Variants in TMEM266 observed in about 807,000 individuals in gnomAD.
TMEM266 encodes the protein Hv1 related protein 1.
Under a neutral mutation model 50.5 loss-of-function variants are expected in TMEM266, and 33 were observed. The observed-to-expected ratio is 0.65, with a 90% CI of 0.50 to 0.87. TMEM266 has a LOEUF of 0.87. Ranked by LOEUF, TMEM266 falls within the 40% of genes least tolerant of loss-of-function variation. The pLI, the probability that TMEM266 is intolerant of heterozygous loss-of-function variation, is 0.00. For missense variants in TMEM266, 655 were observed against 695.1 expected (o/e 0.94, Z 0.65); for synonymous variants, 310 against 292.3 (o/e 1.06, Z -0.62).
Position 76,126,617 on chromosome 15 carries a change from C to T in TMEM266, c.-96-7551C>T, listed in dbSNP as rs113467719. 5.4e-3 allele frequency among the ~76,000 whole-genome samples: 824 copies of T among 151,684 alleles called. 7 individuals carry two copies. The highest frequency in any genetic ancestry group is 0.018 in the African/African-American group (761 of 41,368). On this transcript the variant is annotated intron_variant, in intron 1 of 10. Transcript: ENST00000388942. ...CATGATCTCGGCTCACTGCATCCTC[C>T]GCCTCCCGAGTTCAAGCAATTCTCC... is the stretch of plus-strand genomic sequence containing the variant.
chr15:76,192,036 G>A lies in TMEM266; in HGVS notation c.837G>A (p.Ala279=), dbSNP rs1254929804. The A allele has an allele frequency of 2.6e-6, 4 of 1,560,886 alleles. No homozygotes were observed. In the African/African-American group the frequency reaches 4.3e-5, roughly 17 times the overall value. The stretch of plus-strand genomic sequence containing the variant: ...TGGACCTGGCTGCCGAGCGCGAAGC[G>A]GCGCTCCAGGCCCCGCACGTGCTCA... Residue 279 remains alanine, a synonymous_variant, in exon 9 of 11, where the codon GCG becomes GCA. Transcript: ENST00000388942.
chr15:76,191,925 G>A (rs770553697), intron 8 of TMEM266, 43 bp from the exon 9 acceptor site: 3 of 1,518,842 alleles, frequency 2.0e-6, no homozygotes, highest in African/African-American at 2.9e-5. Flanking sequence ...GGCCCCCGCC[G>A]GCCCCTCGCC....
At chr15:76,194,283 A>G (rs1207627937) in intron 9 of TMEM266, among the ~76,000 whole-genome samples, 1 of 152,140 alleles carries the variant, frequency 6.6e-6, no homozygotes, top group East Asian at 1.9e-4. Flanking sequence ...TTCACAACCC[A>G]TCGCCAATTC....
chr15:76,146,383 A>C (rs897216307), intron 3 of TMEM266, among the ~76,000 whole-genome samples: 2 of 152,232 alleles, frequency 1.3e-5, no homozygotes, highest in Non-Finnish European at 2.9e-5. Context: ...AGTGTTTAGT[A>C]AGACAGTTAT....
chr15:76,160,203 T>C lies in TMEM266; in HGVS notation c.456+35T>C. ...GACTCTGGCCCTGTCACCTCCTCTG[T>C]TGGGTGACTCCTGTCCTGGGGAAAC... On this transcript the variant is annotated intron_variant, in intron 5 of 10. Transcript: ENST00000388942. The surrounding 1 kb of genome is among the most constrained non-coding windows in gnomAD (Gnocchi z 5.7). 1.3e-6 allele frequency: 2 copies of C among 1,583,758 alleles called. No homozygotes were observed. Among genetic ancestry groups the C allele is most frequent in the Non-Finnish European group, 1.7e-6 (2 of 1,152,388 alleles).
intron 1 of TMEM266, among the ~76,000 whole-genome samples, chr15:76,072,237 G>T (rs148393114): frequency 0.026 from 3,953 of 151,880 alleles, 181 homozygotes; most frequent in African/African-American, 0.091. Context: ...TCAGGAGTTC[G>T]AGACCAGCCT....
intron 3 of TMEM266, among the ~76,000 whole-genome samples, chr15:76,154,997 C>T (rs756152060): frequency 3.3e-5 from 5 of 152,272 alleles, no homozygotes; most frequent in Non-Finnish European, 7.3e-5. Context: ...ATTTTATCAT[C>T]ATCGTCGTCA....
chr15:76,063,155 C>T (rs1465906152), intron 1 of TMEM266, among the ~76,000 whole-genome samples: 1 of 152,158 alleles, frequency 6.6e-6, no homozygotes, highest in African/African-American at 2.4e-5. Context: ...TGATTTTCAT[C>T]AGTCTCTGTT....
chr15:76,088,402 C>G (rs530481760), intron 1 of TMEM266, among the ~76,000 whole-genome samples: 2 of 152,156 alleles, frequency 1.3e-5, no homozygotes, highest in Non-Finnish European at 2.9e-5. Flanking sequence ...ACCTACAATC[C>G]TAGCACTTTA....
At chr15:76,116,095 G>A (rs1226247881) in intron 1 of TMEM266, among the ~76,000 whole-genome samples, 2 of 152,096 alleles carry the variant, frequency 1.3e-5, no homozygotes, top group African/African-American at 4.8e-5. Flanking sequence ...CCACGTCCTT[G>A]CTTAGCCTCA....
chr15:76,182,372 C>T (rs2038426989), intron 8 of TMEM266, among the ~76,000 whole-genome samples: 2 of 152,056 alleles, frequency 1.3e-5, no homozygotes, highest in Non-Finnish European at 2.9e-5. Flanking sequence ...TGCGGTGGCT[C>T]ACACCTGTAA....
chr15:76,201,360 C>T (rs532045272), intron 9 of TMEM266, among the ~76,000 whole-genome samples: 67 of 152,270 alleles, frequency 4.4e-4, no homozygotes, highest in African/African-American at 1.6e-3. Context: ...CCTCCCATTC[C>T]CTCCCTGCTC....
At position 76,192,102 on chromosome 15, in the gene TMEM266, G is replaced by A; in HGVS notation, c.903G>A (p.Thr301=). The stretch of plus-strand genomic sequence containing the variant: ...GCTTCAAAGTGTTGGAGGCCGGCAC[G>A]TGGGACGAGGAGACGGCGGCCGAGA... Residue 301 remains threonine (T), a synonymous_variant, in exon 9 of 11, where the codon ACG becomes ACA. Coordinates refer to ENST00000388942, the MANE Select transcript of TMEM266 (RefSeq NM_152335.3). 7.0e-7 allele frequency: 1 copy of A among 1,430,784 alleles called. No homozygotes were observed. The highest frequency in any genetic ancestry group is 9.1e-7 in the Non-Finnish European group (1 of 1,093,490). The allele number at this position is 1,430,784 out of a possible 1,614,324, so 88.6% of individuals were successfully genotyped here.
chr15:76,086,200 C>A (rs1182784944), intron 1 of TMEM266, among the ~76,000 whole-genome samples: 2 of 152,124 alleles, frequency 1.3e-5, no homozygotes, highest in Non-Finnish European at 2.9e-5. Flanking sequence ...CATAAAGGAG[C>A]AAACTACTCA....
intron 3 of TMEM266, among the ~76,000 whole-genome samples, chr15:76,140,625 AT>A (rs1373962667): frequency 1.3e-5 from 2 of 152,118 alleles, no homozygotes; most frequent in Non-Finnish European, 2.9e-5. Flanking sequence ...GGGCTTTTCA[AT>A]TTCCCTGAAT....
At chr15:76,179,266 G>A (rs1437456664) in intron 8 of TMEM266, among the ~76,000 whole-genome samples, 1 of 152,210 alleles carries the variant, frequency 6.6e-6, no homozygotes, top group Non-Finnish European at 1.5e-5. Flanking sequence ...TGAAAAATGG[G>A]TGTAGTAATA....
At chr15:76,134,414 G>C in intron 2 of TMEM266, 113 bp downstream of exon 2, 1 of 1,119,514 alleles carries the variant, frequency 8.9e-7, no homozygotes, top group East Asian at 2.6e-5. Context: ...TTAGCAGGAG[G>C]CCACAGAAAA....
In TMEM266 at chr15:76,156,751, T is replaced by C. The variant is rs369355590; in HGVS notation, c.375T>C (p.Leu125=). The C allele has an allele frequency of 1.7e-4, 275 of 1,613,456 alleles. 2 individuals carry two copies. In the African/African-American group the frequency reaches 3.2e-3, roughly 19 times the overall value. The change falls in exon 4 of 11, where the codon CTT becomes CTC. Residue 125 remains leucine, a synonymous_variant. Transcript: ENST00000388942. ...TGGAACTTCTAATAGATATAAAGCT[T>C]CTCCAGTGTGAGTAGCAAGAGAGAT...
At chr15:76,142,334 A>G (rs929510312) in intron 3 of TMEM266, among the ~76,000 whole-genome samples, 2 of 152,182 alleles carry the variant, frequency 1.3e-5, no homozygotes, top group African/African-American at 4.8e-5. Flanking sequence ...GGTTGCAGTG[A>G]GTTGAGATCA....
Sources: gnomAD v4.1 joint callset for allele counts (sites outside exome capture counted in the v4.1 genomes callset) on GRCh38, gnomAD v4.1.1 for gene constraint, Gnocchi (gnomAD v3.1) non-coding constraint, MANE v1.5 for transcripts, NCBI Gene and HGNC (gene_info 2026-07-23, HGNC 2026-07-21) for gene names.